The following NBAS variants were observed in gnomAD, a reference collection of about 807,000 sequenced individuals.
NBAS encodes NBAS subunit of NRZ tethering complex.
In NBAS, 219 loss-of-function variants were observed where a neutral mutation model predicts 302.5. The ratio of observed to expected loss-of-function variants is 0.72; its 90% CI spans 0.65 to 0.81. The LOEUF is 0.81. Ranked by LOEUF, NBAS falls within the 30% of genes least tolerant of loss-of-function variation. The pLI, the probability that NBAS is intolerant of heterozygous loss-of-function variation, is 0.00. For synonymous variants in NBAS, 1,118 were observed against 1,021.6 expected, an observed-to-expected ratio of 1.09 and a Z score of -1.80; for missense variants, 2,932 against 2,841.6, an observed-to-expected ratio of 1.03 and a Z score of -0.72.
At chr2:15,527,635 C>G (rs886722993) in intron 9 of NBAS, among the ~76,000 whole-genome samples, 2 of 152,156 alleles carry the variant, frequency 1.3e-5, no homozygotes, top group African/African-American at 2.4e-5. Context: ...ACGGCCTCAT[C>G]ATGTCTTAAA....
the NBAS span, among the ~76,000 whole-genome samples, chr2:15,000,641 T>C: frequency 9.8e-5 from 15 of 152,316 alleles, no homozygotes; most frequent in South Asian, 1.7e-3. Flanking sequence ...GCTTCCAAGA[T>C]TCCAAGAAAT....
downstream of NBAS, among the ~76,000 whole-genome samples, chr2:15,166,312 G>A (rs1446832146): frequency 6.6e-6 from 1 of 152,152 alleles, no homozygotes; most frequent in African/African-American, 2.4e-5. Context: ...GCCTATGTAC[G>A]TTTATGGACA....
intron 21 of NBAS, among the ~76,000 whole-genome samples, chr2:15,450,382 A>C (rs1678949237): frequency 1.3e-5 from 2 of 152,152 alleles, no homozygotes; most frequent in African/African-American, 4.8e-5. Flanking sequence ...AACATCAAAA[A>C]CATGCTCAAC....
At chr2:15,397,343 TTTTA>T (rs1313631777) in intron 26 of NBAS, 2 of 233,032 alleles carry the variant, frequency 8.6e-6, no homozygotes, top group East Asian at 1.4e-4. Flanking sequence ...GATCTTATGG[TTTTA>T]TTTATTTTTT....
At chr2:15,549,106 G>A (rs985856861) in intron 6 of NBAS, among the ~76,000 whole-genome samples, 3 of 152,086 alleles carry the variant, frequency 2.0e-5, no homozygotes, top group Non-Finnish European at 4.4e-5. Context: ...ACACTATGCC[G>A]AGAGTTTTAC....
chr2:15,437,136 T>C (rs1166414128), intron 21 of NBAS, among the ~76,000 whole-genome samples: 1 of 151,882 alleles, frequency 6.6e-6, no homozygotes, highest in African/African-American at 2.4e-5. Flanking sequence ...CAATGCAATG[T>C]TCTATGGGAC....
rs1254921719 is a variant in NBAS at position 15,539,372 on chromosome 2, A to C, written c.380-16T>G. 1.2e-6 allele frequency: 2 copies of C among 1,614,170 alleles called. No homozygotes were observed. The highest frequency in any genetic ancestry group is 4.5e-5 in the East Asian group (2 of 44,884). The stretch of plus-strand genomic sequence containing the variant: ...TCTTTCGGAACTAGAACAAAAGAAA[A>C]CAAGAGGTGCTTCTAACAATATATT... On this transcript the variant is annotated splice_polypyrimidine_tract_variant and intron_variant, in intron 6 of 51. Transcript: ENST00000281513.
intron 21 of NBAS, among the ~76,000 whole-genome samples, chr2:15,441,238 G>A (rs1441859709): frequency 3.9e-5 from 6 of 152,210 alleles, no homozygotes; most frequent in African/African-American, 1.2e-4. Context: ...AGGAAAAAAT[G>A]TTAAGGGCAG....
chr2:15,352,942 C>T (rs999532279), intron 34 of NBAS, among the ~76,000 whole-genome samples: 2 of 152,052 alleles, frequency 1.3e-5, no homozygotes, highest in African/African-American at 2.4e-5. Flanking sequence ...ATCTGATGGT[C>T]GCCTGACTTT....
chr2:15,334,151 C>T (rs908229134), intron 35 of NBAS, among the ~76,000 whole-genome samples: 4 of 151,630 alleles, frequency 2.6e-5, no homozygotes, highest in African/African-American at 9.7e-5. Flanking sequence ...TGCCTACAGA[C>T]AACTGGCCTA....
chr2:15,336,743 G>C (rs993121983), intron 35 of NBAS, among the ~76,000 whole-genome samples: 3 of 151,262 alleles, frequency 2.0e-5, no homozygotes, highest in Non-Finnish European at 2.9e-5. Context: ...AAAAAAAAAA[G>C]TCTCATATGT....
chr2:15,298,068 C>T (rs981764276), intron 40 of NBAS, among the ~76,000 whole-genome samples: 5 of 152,022 alleles, frequency 3.3e-5, no homozygotes, highest in African/African-American at 4.8e-5. Flanking sequence ...AGGCTGGGCA[C>T]GGATGCTTGT....
intron 25 of NBAS, among the ~76,000 whole-genome samples, chr2:15,410,215 C>T (rs938554821): frequency 2.0e-5 from 3 of 152,124 alleles, no homozygotes; most frequent in Non-Finnish European, 4.4e-5. Flanking sequence ...TTCTGCATGA[C>T]AAAGAATCTT....
the NBAS span, among the ~76,000 whole-genome samples, chr2:15,138,374 G>C: frequency 6.6e-6 from 1 of 152,170 alleles, no homozygotes; most frequent in African/African-American, 2.4e-5. Context: ...GATGGGTTAT[G>C]ATGCTTGGAA....
At chr2:14,779,644 G>T in the NBAS span, among the ~76,000 whole-genome samples, 1 of 152,084 alleles carries the variant, frequency 6.6e-6, no homozygotes, top group Non-Finnish European at 1.5e-5. Flanking sequence ...GCGCTTCCTG[G>T]CTCCTCTATT....
At chr2:15,440,199 G>A (rs989926793) in intron 21 of NBAS, among the ~76,000 whole-genome samples, 17 of 152,340 alleles carry the variant, frequency 1.1e-4, no homozygotes, top group African/African-American at 3.6e-4. Flanking sequence ...CGGGCAGACT[G>A]CCTCCTCAAG....
the NBAS span, among the ~76,000 whole-genome samples, chr2:15,064,614 T>C: frequency 6.6e-6 from 1 of 152,076 alleles, no homozygotes; most frequent in Non-Finnish European, 1.5e-5. Flanking sequence ...GACCGTATGG[T>C]TTCACTTAGG....
At chr2:15,436,336 G>T (rs1678013763) in intron 21 of NBAS, among the ~76,000 whole-genome samples, 1 of 152,098 alleles carries the variant, frequency 6.6e-6, no homozygotes, top group Non-Finnish European at 1.5e-5. Context: ...TCAGAGGAGG[G>T]TACTTTATAC....
the NBAS span, among the ~76,000 whole-genome samples, chr2:15,131,836 A>G: frequency 6.6e-6 from 1 of 152,204 alleles, no homozygotes. Flanking sequence ...CACTAAGAAA[A>G]GTGAAGCAGA....
Sources: gnomAD v4.1 joint callset for allele counts (sites outside exome capture counted in the v4.1 genomes callset) on GRCh38, gnomAD v4.1.1 for gene constraint, MANE v1.5 for transcripts, NCBI Gene and HGNC (gene_info 2026-07-23, HGNC 2026-07-21) for gene names.